Variants in ADAM22 observed in about 807,000 individuals in gnomAD.
ADAM22 encodes ADAM metallopeptidase domain 22, also known as disintegrin and metalloproteinase domain-containing protein 22.
In ADAM22, 65 loss-of-function variants were observed where a neutral mutation model predicts 144.6. That is an observed-to-expected ratio of 0.45 (90% confidence interval 0.37 to 0.55). The LOEUF is 0.55. Among genes scored for constraint, ADAM22 ranks in the 20% least tolerant of loss-of-function variants. ADAM22 has a pLI of 0.00. For synonymous variants in ADAM22, 391 were observed against 412.6 expected, an observed-to-expected ratio of 0.95 and a Z score of 0.63; for missense variants, 974 against 1,184.9, an observed-to-expected ratio of 0.82 and a Z score of 2.61.
intron 3 of ADAM22, among the ~76,000 whole-genome samples, chr7:87,982,064 TATATAC>T (rs1466693676): frequency 2.3e-3 from 180 of 79,310 alleles, no homozygotes; most frequent in African/African-American, 0.011. Context: ...TATATATATA[TATATAC>T]ACACACACAC....
chr7:88,139,384 C>T (rs1004908520), intron 14 of ADAM22, among the ~76,000 whole-genome samples: 1 of 151,784 alleles, frequency 6.6e-6, no homozygotes, highest in Non-Finnish European at 1.5e-5. Context: ...TGCCACTGCA[C>T]TCCAGCCTGG....
intron 16 of ADAM22, 70 bp from the exon 17 acceptor site, chr7:88,145,345 G>T (rs1039334740): frequency 6.6e-7 from 1 of 1,504,254 alleles, no homozygotes; most frequent in Non-Finnish European, 9.1e-7. Flanking sequence ...ATTTATTTTA[G>T]AAAATATCCT....
intron 14 of ADAM22, among the ~76,000 whole-genome samples, chr7:88,137,399 A>AT (rs1443181157): frequency 6.6e-6 from 1 of 152,172 alleles, no homozygotes; most frequent in Non-Finnish European, 1.5e-5. Context: ...CCTACTATTC[A>AT]TGATTGGTTT....
At chr7:88,025,672 G>A (rs1292146269) in intron 3 of ADAM22, among the ~76,000 whole-genome samples, 6 of 152,202 alleles carry the variant, frequency 3.9e-5, no homozygotes, top group Middle Eastern at 6.8e-3. Context: ...AAATAAGTTC[G>A]TTGTAGATGT....
At chr7:88,048,178 C>T (rs112066954) in intron 3 of ADAM22, among the ~76,000 whole-genome samples, 7 of 152,076 alleles carry the variant, frequency 4.6e-5, no homozygotes, top group South Asian at 4.1e-4. Flanking sequence ...AAAATTTTTA[C>T]GTTTCATAAG....
rs1210346300 is a variant in ADAM22, at chr7:88,082,719, C to CA, written c.390+7033dup. Reference sequence around the variant, plus strand: ...TCTCAAAAGAAGACATTTATGCAGCCAAAAAACACATGAAAAAATGCTCAC... The same window carrying CA: ...TCTCAAAAGAAGACATTTATGCAGCCAAAAAAACACATGAAAAAATGCTCAC... On this transcript the variant is annotated intron_variant, in intron 4 of 31. Transcript: ENST00000413139. Among the ~76,000 whole-genome samples the CA allele has an allele frequency of 6.6e-5, 10 of 151,908 alleles. No individual in the cohort carries two copies. The South Asian group carries it at 1.7e-3, about 25-fold the overall frequency.
At chr7:87,997,777 T>A (rs1211395439) in intron 3 of ADAM22, among the ~76,000 whole-genome samples, 1 of 152,248 alleles carries the variant, frequency 6.6e-6, no homozygotes, top group Non-Finnish European at 1.5e-5. Context: ...CACCAAGTCT[T>A]CTGCCTTCCT....
chr7:88,046,229 C>T (rs374082756), intron 3 of ADAM22, among the ~76,000 whole-genome samples: 1 of 152,052 alleles, frequency 6.6e-6, no homozygotes, highest in Non-Finnish European at 1.5e-5. Context: ...CCAGCCCTTG[C>T]TATCTTTTTG....
intron 3 of ADAM22, among the ~76,000 whole-genome samples, chr7:88,072,030 T>C (rs1812971492): frequency 1.3e-5 from 2 of 152,166 alleles, no homozygotes; most frequent in South Asian, 4.2e-4. Flanking sequence ...AGGTTCTAAC[T>C]TGATGATAGT....
chr7:87,982,035 T>C (rs1424306991), intron 3 of ADAM22, among the ~76,000 whole-genome samples: 1 of 144,588 alleles, frequency 6.9e-6, no homozygotes, highest in African/African-American at 2.6e-5. Flanking sequence ...GGAATCCTTA[T>C]GTTTATTTCA....
At chr7:88,152,856 A>G (rs559156682) in intron 20 of ADAM22, among the ~76,000 whole-genome samples, 1 of 151,744 alleles carries the variant, frequency 6.6e-6, no homozygotes, top group Admixed American at 6.6e-5. Flanking sequence ...TTTTTTTTGT[A>G]TTTTAGTAGA....
chr7:88,063,452 A>G (rs964224531), intron 3 of ADAM22, among the ~76,000 whole-genome samples: 3 of 152,152 alleles, frequency 2.0e-5, no homozygotes, highest in African/African-American at 7.2e-5. Context: ...TGGTAGTGAT[A>G]TTAAGAAAAG....
intron 4 of ADAM22, among the ~76,000 whole-genome samples, chr7:88,107,782 G>A (rs900998616): frequency 6.6e-6 from 1 of 151,030 alleles, no homozygotes; most frequent in Non-Finnish European, 1.5e-5. Flanking sequence ...TGTAGAGACA[G>A]GGTCTTGCTA....
chr7:87,978,556 A>G, intron 3 of ADAM22, 144 bp downstream of exon 3: 1 of 602,706 alleles, frequency 1.7e-6, no homozygotes, highest in Non-Finnish European at 2.8e-6. Flanking sequence ...TATTTACTGT[A>G]GGTTATAAAG....
chr7:87,983,765 T>G (rs1854288070), intron 3 of ADAM22, among the ~76,000 whole-genome samples: 1 of 152,128 alleles, frequency 6.6e-6, no homozygotes, highest in Non-Finnish European at 1.5e-5. Context: ...GAGTGTTGAT[T>G]ATTGATTTGT....
chr7:88,155,374 T>C (rs543895376), intron 21 of ADAM22, among the ~76,000 whole-genome samples: 1 of 151,816 alleles, frequency 6.6e-6, no homozygotes, highest in South Asian at 2.1e-4. Flanking sequence ...AATTTAAAAG[T>C]TAGTTGGGTC....
At position 87,934,267 on chromosome 7, in the gene ADAM22, C is replaced by G. The variant is rs922024044; in HGVS notation, c.-199C>G. On this transcript the variant is annotated 5_prime_UTR_variant, in exon 1 of 32. Coordinates refer to ENST00000413139, the MANE Select transcript of ADAM22 (RefSeq NM_001324418.2). ...CAATGCAGCACTCGCTCGCTCCCCC[C>G]GCCAGCGGAAGCGTCCGCGAAGCAC... The G allele has an allele frequency of 5.9e-4, 303 of 514,944 alleles. No homozygotes were observed. The highest frequency in any genetic ancestry group is 8.2e-4 in the Non-Finnish European group (243 of 297,986). The allele number at this position is 514,944 out of a possible 1,614,324, so 31.9% of individuals were successfully genotyped here. A position where few individuals can be genotyped will look rare whatever the true frequency, so the allele number is the denominator to read the frequency against.
At chr7:87,945,186 G>A (rs1041987007) in intron 2 of ADAM22, among the ~76,000 whole-genome samples, 4 of 152,106 alleles carry the variant, frequency 2.6e-5, no homozygotes, top group Non-Finnish European at 4.4e-5. Flanking sequence ...AAATCAGTTT[G>A]TACAAAATGA....
intron 1 of ADAM22, 167 bp downstream of exon 1, chr7:87,934,717 ATG>A: frequency 1.4e-6 from 1 of 690,172 alleles, no homozygotes; most frequent in East Asian, 2.9e-5. Flanking sequence ...GCAAAAATAT[ATG>A]TGTGGAGGCG....
Sources: gnomAD v4.1 joint callset for allele counts (sites outside exome capture counted in the v4.1 genomes callset) on GRCh38, gnomAD v4.1.1 for gene constraint, MANE v1.5 for transcripts, NCBI Gene and HGNC (gene_info 2026-07-23, HGNC 2026-07-21) for gene names.